HS6ST3: variants seen among roughly 807,000 people sequenced by gnomAD.
HS6ST3 encodes the protein heparan-sulfate 6-O-sulfotransferase 3.
A neutral mutation model predicts 36.7 loss-of-function variants in HS6ST3; 12 were observed. The observed-to-expected ratio is 0.33, with a 90% CI of 0.21 to 0.53. The LOEUF (loss-of-function observed/expected upper bound fraction) is 0.53, where lower values mean the gene tolerates loss of function less well. HS6ST3 is among the 20% of genes least tolerant of loss of function. The pLI is 0.95. For synonymous variants in HS6ST3, 240 were observed against 257.5 expected (o/e 0.93, Z 0.65); for missense variants, 584 against 640.9 (o/e 0.91, Z 0.96).
chr13:96,830,222 T>C (rs1296723953), intron 1 of HS6ST3, among the ~76,000 whole-genome samples: 1 of 152,214 alleles, frequency 6.6e-6, no homozygotes, highest in African/African-American at 2.4e-5. Flanking sequence ...GTAGATTAAG[T>C]GTACTCAATG....
chr13:96,826,275 C>G (rs1878645137), intron 1 of HS6ST3, among the ~76,000 whole-genome samples: 1 of 152,072 alleles, frequency 6.6e-6, no homozygotes, highest in Admixed American at 6.6e-5. Context: ...ATTTTTTACT[C>G]CTTGCACACA....
chr13:96,526,121 G>A (rs1339689106), intron 1 of HS6ST3, among the ~76,000 whole-genome samples: 4 of 152,092 alleles, frequency 2.6e-5, no homozygotes, highest in African/African-American at 9.7e-5. Flanking sequence ...AAAGGTACAG[G>A]GATTTCTAAT....
intron 1 of HS6ST3, among the ~76,000 whole-genome samples, chr13:96,377,418 T>A (rs2055320260): frequency 6.6e-6 from 1 of 152,160 alleles, no homozygotes; most frequent in South Asian, 2.1e-4. Flanking sequence ...TTGTTCTTTT[T>A]AAGAGAATAT....
intron 1 of HS6ST3, among the ~76,000 whole-genome samples, chr13:96,475,585 T>C (rs971496773): frequency 2.6e-5 from 3 of 117,274 alleles, no homozygotes; most frequent in African/African-American, 1.0e-4. Context: ...TCTGAGAAAC[T>C]AGCTGCATTA....
intron 1 of HS6ST3, among the ~76,000 whole-genome samples, chr13:96,695,643 C>T (rs1433850492): frequency 8.5e-6 from 1 of 118,162 alleles, no homozygotes; most frequent in Non-Finnish European, 1.8e-5. Context: ...CACTATGATC[C>T]CCAGGCTGGT....
At chr13:96,408,586 G>A (rs1200023061) in intron 1 of HS6ST3, among the ~76,000 whole-genome samples, 1 of 152,114 alleles carries the variant, frequency 6.6e-6, no homozygotes, top group Non-Finnish European at 1.5e-5. Flanking sequence ...AGATGGGGGT[G>A]AGTGACAGTT....
intron 1 of HS6ST3, among the ~76,000 whole-genome samples, chr13:96,404,606 G>A (rs1312953035): frequency 6.6e-6 from 1 of 152,224 alleles, no homozygotes; most frequent in Non-Finnish European, 1.5e-5. Context: ...AAGTTTGGAA[G>A]GAAAAGTCTG....
chr13:96,640,798 A>G (rs1176390956), intron 1 of HS6ST3, among the ~76,000 whole-genome samples: 1 of 151,998 alleles, frequency 6.6e-6, no homozygotes, highest in East Asian at 1.9e-4. Flanking sequence ...TCCCAGCACC[A>G]TTTATTGAAT....
chr13:96,292,569 A>G (rs75571955), intron 1 of HS6ST3, among the ~76,000 whole-genome samples: 309 of 151,986 alleles, frequency 2.0e-3, no homozygotes, highest in African/African-American at 6.9e-3. Context: ...TTACCTTTCT[A>G]TTAAAAGTAT....
chr13:96,443,485 A>C (rs927115143), intron 1 of HS6ST3, among the ~76,000 whole-genome samples: 1 of 143,964 alleles, frequency 6.9e-6, no homozygotes, highest in African/African-American at 2.6e-5. Context: ...AGCCGAGATC[A>C]CGCCACTGCA....
chr13:96,192,135 A>G (rs1376546878), intron 1 of HS6ST3, among the ~76,000 whole-genome samples: 1 of 152,196 alleles, frequency 6.6e-6, no homozygotes, highest in African/African-American at 2.4e-5. Flanking sequence ...GCAAATTACT[A>G]ATCCTTGCAG....
At chr13:96,305,435 A>C (rs1312259621) in intron 1 of HS6ST3, among the ~76,000 whole-genome samples, 1 of 152,164 alleles carries the variant, frequency 6.6e-6, no homozygotes, top group African/African-American at 2.4e-5. Context: ...AACTTGCTTT[A>C]TTCTTCTCAT....
chr13:96,162,529 T>C (rs1276672218), intron 1 of HS6ST3, among the ~76,000 whole-genome samples: 1 of 152,198 alleles, frequency 6.6e-6, no homozygotes, highest in African/African-American at 2.4e-5. Context: ...CTAGAAACTT[T>C]AAGTCTGGAA....
intron 1 of HS6ST3, among the ~76,000 whole-genome samples, chr13:96,215,887 G>T (rs2054423476): frequency 1.3e-5 from 2 of 152,136 alleles, no homozygotes; most frequent in Non-Finnish European, 2.9e-5. Context: ...TACACACAGG[G>T]TTGTTGTGAA....
At chr13:96,211,087 C>T (rs955580020) in intron 1 of HS6ST3, among the ~76,000 whole-genome samples, 4 of 151,802 alleles carry the variant, frequency 2.6e-5, no homozygotes, top group Non-Finnish European at 4.4e-5. Flanking sequence ...TGTGCCACTA[C>T]GCCCAGCTAA....
At chr13:96,602,614 C>A (rs1346290228) in intron 1 of HS6ST3, among the ~76,000 whole-genome samples, 1 of 152,142 alleles carries the variant, frequency 6.6e-6, no homozygotes, top group Non-Finnish European at 1.5e-5. Context: ...CTGCTGAGGG[C>A]TTTCTGGAGT....
intron 1 of HS6ST3, among the ~76,000 whole-genome samples, chr13:96,223,340 G>A (rs971784167): frequency 1.6e-4 from 24 of 152,196 alleles, no homozygotes; most frequent in Non-Finnish European, 2.6e-4. Context: ...ATGTAGAGGC[G>A]TGCTTGTTGT....
chr13:96,148,917 T>C (rs937752483), intron 1 of HS6ST3, among the ~76,000 whole-genome samples: 2 of 152,206 alleles, frequency 1.3e-5, no homozygotes, highest in South Asian at 2.1e-4. Flanking sequence ...AGGGACAAAA[T>C]AGTCTTTATG....
chr13:96,804,340 G>C (rs568660096), intron 1 of HS6ST3, among the ~76,000 whole-genome samples: 10 of 152,104 alleles, frequency 6.6e-5, no homozygotes, highest in Admixed American at 3.9e-4. Flanking sequence ...AGGCCATGTG[G>C]TATAAAGAGG....
Sources: allele counts gnomAD v4.1 joint callset (sites outside exome capture counted in the v4.1 genomes callset), GRCh38; gene constraint gnomAD v4.1.1; transcripts MANE v1.5; gene names NCBI Gene and HGNC (gene_info 2026-07-23, HGNC 2026-07-21).